The following SUCLA2 variants were observed in gnomAD, a reference collection of about 807,000 sequenced individuals.
SUCLA2 encodes the protein succinate-CoA ligase ADP-forming subunit beta.
A neutral mutation model predicts 54.8 loss-of-function variants in SUCLA2; 30 were observed. The observed-to-expected ratio is 0.55, with a 90% CI of 0.41 to 0.74. The LOEUF (loss-of-function observed/expected upper bound fraction) is 0.74. Among genes scored for constraint, SUCLA2 ranks in the 30% least tolerant of loss-of-function variants. The probability of loss-of-function intolerance (pLI) is 0.00; values close to 1 mark genes in which losing one functional copy is unlikely to be tolerated. For synonymous variants in SUCLA2, 172 were observed against 188.9 expected (o/e 0.91, Z 0.74); for missense variants, 476 against 562.9 (o/e 0.85, Z 1.56).
intron 6 of SUCLA2, among the ~76,000 whole-genome samples, chr13:47,962,065 G>A (rs1424042772): frequency 6.6e-6 from 1 of 152,176 alleles, no homozygotes; most frequent in African/African-American, 2.4e-5. Context: ...TCATTGCATG[G>A]ACTGAAATAA....
rs1215709432 is a variant in SUCLA2, at chr13:47,960,910, G to A, written c.803-6353C>T. On this transcript the variant is annotated intron_variant, in intron 6 of 10. Coordinates refer to ENST00000646932, the MANE Select transcript of SUCLA2 (RefSeq NM_003850.3). ...TAGGCCCAGGGATCACTGCGGAAGA[G>A]GTAGCCATGTAAGACTGTAAAGGCC... 2.6e-5 allele frequency among the ~76,000 whole-genome samples: 4 copies of A among 152,278 alleles called. No individual in the cohort carries two copies. The East Asian group carries it at 7.7e-4, about 29-fold the overall frequency.
chr13:47,998,185 G>A (rs114380467), intron 1 of SUCLA2, among the ~76,000 whole-genome samples: 1,706 of 151,986 alleles, frequency 0.011, 40 homozygotes, highest in African/African-American at 0.038. Flanking sequence ...ACTGAGGCAG[G>A]AGGATCCCTT....
At position 47,976,015 on chromosome 13, in the gene SUCLA2, C is replaced by T. The variant is rs777866335; in HGVS notation, c.535-2623G>A. Reference sequence around the variant, plus strand: ...TAATCCTAGCACTTTGGGAAGCCAACGCAGGAGGACTGCTTGAGTCTGGGA... The same window carrying T: ...TAATCCTAGCACTTTGGGAAGCCAATGCAGGAGGACTGCTTGAGTCTGGGA... On this transcript the variant is annotated intron_variant, in intron 4 of 10. Transcript: ENST00000646932. Among the ~76,000 whole-genome samples the T allele has an allele frequency of 9.9e-5, 15 of 152,076 alleles. No individual in the cohort carries two copies. The South Asian group carries it at 2.3e-3, about 23-fold the overall frequency.
chr13:47,944,924 A>C (rs764655565), intron 10 of SUCLA2, among the ~76,000 whole-genome samples: 2 of 151,946 alleles, frequency 1.3e-5, no homozygotes, highest in South Asian at 2.1e-4. Flanking sequence ...GGAGTTCGAG[A>C]CCAGCCTGGT....
chr13:47,960,713 AAAAG>A (rs1393446449), intron 6 of SUCLA2, among the ~76,000 whole-genome samples: 4 of 152,184 alleles, frequency 2.6e-5, no homozygotes, highest in Admixed American at 1.3e-4. Flanking sequence ...TTAAAAAAAA[AAAAG>A]AGAGACTTTC....
rs145788470 is a variant in SUCLA2, at chr13:47,995,730, T to C, written c.271+1113A>G. 4.6e-3 allele frequency among the ~76,000 whole-genome samples: 706 copies of C among 152,288 alleles called. 3 individuals are homozygous for C. Among genetic ancestry groups the C allele is most frequent in the Non-Finnish European group, 7.0e-3 (474 of 68,018 alleles). Reference sequence around the variant, plus strand: ...TTTATGCTAATCTACGTAAAATTGGTGGGATTTAAAATACTGCTAAAAAGA... The same window carrying C: ...TTTATGCTAATCTACGTAAAATTGGCGGGATTTAAAATACTGCTAAAAAGA... On this transcript the variant is annotated intron_variant, in intron 2 of 10. Transcript: ENST00000646932.
intron 4 of SUCLA2, among the ~76,000 whole-genome samples, chr13:47,976,372 C>G (rs1311033592): frequency 6.6e-6 from 1 of 152,190 alleles, no homozygotes; most frequent in Non-Finnish European, 1.5e-5. Context: ...ATCCTTCCCC[C>G]CACCACTCCA....
chr13:47,980,224 G>A (rs941976634), intron 4 of SUCLA2, among the ~76,000 whole-genome samples: 1 of 152,066 alleles, frequency 6.6e-6, no homozygotes, highest in African/African-American at 2.4e-5. Flanking sequence ...AGACCATCCT[G>A]GCTAACACGG....
intron 10 of SUCLA2, among the ~76,000 whole-genome samples, chr13:47,945,469 T>C (rs537355531): frequency 6.8e-6 from 1 of 147,644 alleles, no homozygotes; most frequent in Non-Finnish European, 1.5e-5. Context: ...TTGATTAAGC[T>C]ATAGAGCCCA....
chr13:47,974,581 G>A (rs975518840), intron 4 of SUCLA2, among the ~76,000 whole-genome samples: 2 of 151,698 alleles, frequency 1.3e-5, no homozygotes, highest in Non-Finnish European at 2.9e-5. Context: ...GAAAGACCCT[G>A]TCTCAAAAAA....
At chr13:47,959,510 G>A (rs11148097) in intron 6 of SUCLA2, among the ~76,000 whole-genome samples, 252 of 16,040 alleles carry the variant, frequency 0.016, 14 homozygotes, top group Non-Finnish European at 0.036. Context: ...GGGGGGAGGA[G>A]GAGGAGGAGG....
chr13:47,943,005 T>C lies in SUCLA2; in HGVS notation c.*366A>G. The C allele has an allele frequency of 4.0e-6, 1 of 246,998 alleles. No homozygotes were observed. Among genetic ancestry groups the C allele is most frequent in the South Asian group, 5.2e-5 (1 of 19,274 alleles). 15.3% of individuals were successfully genotyped at this position (246,998 alleles called of 1,614,324 possible). ...TAATGAGGCTAGTTATTAGATATAC[T>C]GTATTTTAACACTAAAGAATAAAGC... On this transcript the variant is annotated 3_prime_UTR_variant, in exon 11 of 11. Transcript: ENST00000646932.
intron 4 of SUCLA2, among the ~76,000 whole-genome samples, chr13:47,979,123 T>C (rs1950041122): frequency 6.6e-6 from 1 of 152,186 alleles, no homozygotes; most frequent in Non-Finnish European, 1.5e-5. Flanking sequence ...CTCAAGGATC[T>C]AGAACCAGAA....
intron 2 of SUCLA2, among the ~76,000 whole-genome samples, chr13:47,993,058 C>T (rs1469919144): frequency 6.6e-6 from 1 of 152,064 alleles, no homozygotes; most frequent in Non-Finnish European, 1.5e-5. Context: ...TGGTGAAACC[C>T]CATCTCAAGA....
chr13:47,998,807 A>T (rs934757806), intron 1 of SUCLA2, among the ~76,000 whole-genome samples: 2 of 152,212 alleles, frequency 1.3e-5, no homozygotes, highest in Non-Finnish European at 2.9e-5. Context: ...GTATATCTTG[A>T]TGCAGACGAT....
intron 1 of SUCLA2, 66 bp from the exon 2 acceptor site, chr13:47,997,089 G>A (rs1950197723): frequency 2.0e-6 from 3 of 1,529,532 alleles, no homozygotes; most frequent in African/African-American, 2.7e-5. Context: ...TAACTACTTG[G>A]TTCTTCATAA....
At chr13:48,000,818 A>G in intron 1 of SUCLA2, 3 of 1,079,464 alleles carry the variant, frequency 2.8e-6, no homozygotes, top group Non-Finnish European at 2.3e-6. Context: ...CTGCCCAAAA[A>G]GGGGCGGCGC....
intron 7 of SUCLA2, 43 bp from the exon 8 acceptor site, chr13:47,954,325 A>T (rs763780628): frequency 4.3e-6 from 7 of 1,613,718 alleles, no homozygotes; most frequent in African/African-American, 4.0e-5. Flanking sequence ...AAACACAGAG[A>T]AAATAAATTA....
chr13:47,944,461 T>C (rs937262792), intron 10 of SUCLA2, among the ~76,000 whole-genome samples: 2 of 150,820 alleles, frequency 1.3e-5, no homozygotes, highest in African/African-American at 5.0e-5. Context: ...TTCTTCTCCT[T>C]CTTTTCATGT....
Sources: allele counts gnomAD v4.1 joint callset (sites outside exome capture counted in the v4.1 genomes callset), GRCh38; gene constraint gnomAD v4.1.1; transcripts MANE v1.5; gene names NCBI Gene and HGNC (gene_info 2026-07-23, HGNC 2026-07-21).